Variants in DOCK1 observed in about 807,000 individuals in gnomAD.
DOCK1 encodes the protein dedicator of cytokinesis protein 1.
DOCK1 carries 138 observed loss-of-function variants against 262.7 expected under a neutral mutation model. The ratio of observed to expected loss-of-function variants is 0.53; its 90% confidence interval spans 0.46 to 0.61. The LOEUF is 0.61. Ranked by LOEUF, DOCK1 falls within the 20% of genes least tolerant of loss-of-function variation. The pLI is 0.00. For missense variants in DOCK1, 1,908 were observed against 2,370.7 expected (o/e 0.80, Z 4.05); for synonymous variants, 866 against 867.4 (o/e 1.00, Z 0.03).
At chr10:127,418,281 C>T in intron 44 of DOCK1, 84 bp from the exon 45 acceptor site, 1 of 1,400,982 alleles carries the variant, frequency 7.1e-7, no homozygotes, top group Non-Finnish European at 9.5e-7. Flanking sequence ...GGAAGCCTGC[C>T]CCAGAGCACG....
chr10:127,211,402 C>T (rs989452166), intron 27 of DOCK1, among the ~76,000 whole-genome samples: 4 of 152,210 alleles, frequency 2.6e-5, no homozygotes, highest in Admixed American at 6.5e-5. Flanking sequence ...CCTAATTCAT[C>T]TACTGCCCTT....
intron 23 of DOCK1, among the ~76,000 whole-genome samples, chr10:127,063,097 A>G (rs974230896): frequency 6.6e-6 from 1 of 152,206 alleles, no homozygotes; most frequent in African/African-American, 2.4e-5. Flanking sequence ...GGAGCTGTAC[A>G]ACTTGCAATT....
At chr10:127,394,380 A>T (rs6482861) in intron 38 of DOCK1, among the ~76,000 whole-genome samples, 81,991 of 148,588 alleles carry the variant, frequency 0.55, 22,561 homozygotes, top group Middle Eastern at 0.68. Context: ...AGCGTTTTAC[A>T]TCATTGTGTA....
intron 42 of DOCK1, among the ~76,000 whole-genome samples, chr10:127,409,968 G>A (rs541552599): frequency 6.6e-6 from 1 of 152,296 alleles, no homozygotes; most frequent in Non-Finnish European, 1.5e-5. Context: ...TATCGCACCT[G>A]ACTTAGCAAT....
intron 27 of DOCK1, among the ~76,000 whole-genome samples, chr10:127,231,985 T>G (rs576111901): frequency 6.6e-6 from 1 of 152,248 alleles, no homozygotes; most frequent in South Asian, 2.1e-4. Flanking sequence ...GAGTTCATAT[T>G]CTAGTGAGGA....
At chr10:126,970,364 T>G (rs759811641) in intron 1 of DOCK1, among the ~76,000 whole-genome samples, 1 of 152,224 alleles carries the variant, frequency 6.6e-6, no homozygotes, top group African/African-American at 2.4e-5. Context: ...GAATATTCAC[T>G]CCATGTGCAA....
At chr10:126,938,477 C>T (rs1035711227) in intron 1 of DOCK1, among the ~76,000 whole-genome samples, 10 of 152,134 alleles carry the variant, frequency 6.6e-5, no homozygotes, top group African/African-American at 1.2e-4. Flanking sequence ...GATTTATTTC[C>T]GGGCTCTCTA....
Position 127,343,680 on chromosome 10 carries a change from T to G in DOCK1, c.3158T>G (p.Phe1053Cys). Residue 1053 changes from phenylalanine to cysteine, a missense_variant, in exon 31 of 52, where the codon TTC becomes TGC. Physicochemically the swap from Phe to Cys is radical, Grantham distance 205. This residue lies in a region of DOCK1 where 518 missense variants were observed against 575.1 expected (regional missense o/e 0.90). Transcript: ENST00000623213. The stretch of plus-strand genomic sequence containing the variant: ...AACTACTTTCACCTGGCTGTTGCTT[T>G]CCTTACTCAAGAGTCCCTGCAACTG... The part of the protein sequence containing the change: ...WNNYFHLAVA[F>C]LTQESLQLEN... 6.2e-7 allele frequency: 1 copy of G among 1,611,674 alleles called. No homozygotes were observed. Among genetic ancestry groups the G allele is most frequent in the Non-Finnish European group, 8.5e-7 (1 of 1,179,058 alleles).
chr10:127,186,803 AAGAG>A (rs1434271374), intron 27 of DOCK1, among the ~76,000 whole-genome samples: 3 of 151,970 alleles, frequency 2.0e-5, no homozygotes, highest in Admixed American at 6.6e-5. Context: ...GGGATGTATA[AAGAG>A]AGAGAGGTTG....
At chr10:127,017,836 C>A (rs1314427457) in intron 12 of DOCK1, among the ~76,000 whole-genome samples, 3 of 152,200 alleles carry the variant, frequency 2.0e-5, no homozygotes, top group African/African-American at 7.2e-5. Context: ...TCAGGCCGAG[C>A]CCCTGCCTGC....
At chr10:126,944,983 C>T (rs1013331007) in intron 1 of DOCK1, among the ~76,000 whole-genome samples, 2 of 152,046 alleles carry the variant, frequency 1.3e-5, no homozygotes, top group East Asian at 1.9e-4. Flanking sequence ...GGATTACAGG[C>T]GTGCACCACC....
chr10:127,340,670 A>G (rs1356544072), intron 30 of DOCK1, among the ~76,000 whole-genome samples: 1 of 152,244 alleles, frequency 6.6e-6, no homozygotes, highest in African/African-American at 2.4e-5. Context: ...CCTTCCTAAC[A>G]TGATTTTAGC....
At chr10:127,313,587 G>C (rs561249416) in intron 29 of DOCK1, among the ~76,000 whole-genome samples, 1 of 152,092 alleles carries the variant, frequency 6.6e-6, no homozygotes, top group Non-Finnish European at 1.5e-5. Flanking sequence ...TACCCTTCAG[G>C]GGGCTTACTG....
chr10:127,348,712 C>T (rs2063753504), intron 31 of DOCK1, among the ~76,000 whole-genome samples: 1 of 152,050 alleles, frequency 6.6e-6, no homozygotes, highest in African/African-American at 2.4e-5. Flanking sequence ...ATAGGTTTCA[C>T]AATGGGACCA....
At chr10:127,434,803 C>T (rs1409911958) in intron 48 of DOCK1, among the ~76,000 whole-genome samples, 1 of 152,162 alleles carries the variant, frequency 6.6e-6, no homozygotes, top group Non-Finnish European at 1.5e-5. Flanking sequence ...CAGGCACATG[C>T]CACCATGCCT....
chr10:126,978,068 GTCTGAGGGTTTTACTTCTATATCTCTTTC>G, intron 3 of DOCK1, 80 bp downstream of exon 3: 1 of 1,388,834 alleles, frequency 7.2e-7, no homozygotes, highest in Non-Finnish European at 1.0e-6. Flanking sequence ...TCTCATTTGT[GTCTGAGGGTTTTACTTCTATATCTCTTTC>G]TCTGAATTTA....
intron 47 of DOCK1, 88 bp downstream of exon 47, chr10:127,426,099 A>T: frequency 1.3e-6 from 2 of 1,579,336 alleles, no homozygotes; most frequent in Admixed American, 3.4e-5. Context: ...GAGCAGAGGA[A>T]CTCACATGTA....
chr10:127,438,957 G>C, intron 48 of DOCK1, 70 bp from the exon 49 acceptor site: 1 of 1,420,724 alleles, frequency 7.0e-7, no homozygotes, highest in Non-Finnish European at 9.4e-7. Context: ...GATTGTGAGT[G>C]ACTTTACACG....
intron 12 of DOCK1, among the ~76,000 whole-genome samples, chr10:127,018,308 C>T (rs2042164553): frequency 6.6e-6 from 1 of 152,204 alleles, no homozygotes. Context: ...CAGAATCCTC[C>T]CCTGCCTTTG....
Sources: gnomAD v4.1 joint callset for allele counts (sites outside exome capture counted in the v4.1 genomes callset) on GRCh38, gnomAD v4.1.1 for gene constraint, gnomAD v4.1.1 regional missense constraint, MANE v1.5 for transcripts, NCBI Gene and HGNC (gene_info 2026-07-23, HGNC 2026-07-21) for gene names.